The following PLEKHB2 variants were observed in gnomAD, a reference collection of about 807,000 sequenced individuals.
PLEKHB2 encodes the protein pleckstrin homology domain containing B2, also known as pleckstrin homology domain-containing family B member 2.
Under a neutral mutation model 36.5 loss-of-function variants are expected in PLEKHB2, and 31 were observed. That is an observed-to-expected ratio of 0.85 (90% CI 0.64 to 1.15). PLEKHB2 has a LOEUF of 1.15. Among genes scored for constraint, PLEKHB2 ranks in the 50% most tolerant of loss-of-function variants. The probability of loss-of-function intolerance (pLI) is 0.00; values close to 1 mark genes in which losing one functional copy is unlikely to be tolerated. For synonymous variants in PLEKHB2, 119 were observed against 112.0 expected, an observed-to-expected ratio of 1.06 and a Z score of -0.39; for missense variants, 262 against 295.3, an observed-to-expected ratio of 0.89 and a Z score of 0.83.
chr2:131,119,991 CAG>C (rs1696316660), intron 1 of PLEKHB2, among the ~76,000 whole-genome samples: 1 of 144,722 alleles, frequency 6.9e-6, no homozygotes, highest in African/African-American at 2.6e-5. Flanking sequence ...TTTTTTGAGA[CAG>C]AGTCTTACTC....
chr2:131,117,871 T>C (rs1487159958), intron 1 of PLEKHB2, among the ~76,000 whole-genome samples: 1 of 152,208 alleles, frequency 6.6e-6, no homozygotes, highest in African/African-American at 2.4e-5. Flanking sequence ...CCTTAGTGTC[T>C]AGGACAAGGC....
chr2:131,113,602 A>C (rs1376968483), intron 1 of PLEKHB2, among the ~76,000 whole-genome samples: 1 of 152,086 alleles, frequency 6.6e-6, no homozygotes, highest in East Asian at 1.9e-4. Context: ...GCTTCTCTGG[A>C]GGGTGTTAGG....
At chr2:131,111,132 G>A (rs1695274988) in intron 1 of PLEKHB2, among the ~76,000 whole-genome samples, 1 of 151,792 alleles carries the variant, frequency 6.6e-6, no homozygotes, top group Admixed American at 6.6e-5. Flanking sequence ...AGCCTGCTCA[G>A]TAGCTGGGAC....
At chr2:131,118,338 G>T (rs939482661) in intron 1 of PLEKHB2, among the ~76,000 whole-genome samples, 1 of 152,148 alleles carries the variant, frequency 6.6e-6, no homozygotes, top group African/African-American at 2.4e-5. Flanking sequence ...AGCATGAATT[G>T]AAAAAAACTG....
intron 7 of PLEKHB2, chr2:131,144,329 G>A (rs1034964021): frequency 1.3e-5 from 7 of 546,602 alleles, no homozygotes; most frequent in Middle Eastern, 5.3e-4. Flanking sequence ...GTGTTCGTTC[G>A]GCTCTCCTAT....
chr2:131,130,210 A>G (rs1697540290), intron 4 of PLEKHB2, among the ~76,000 whole-genome samples: 2 of 151,988 alleles, frequency 1.3e-5, no homozygotes, highest in South Asian at 4.2e-4. Flanking sequence ...TGCCCGGCTA[A>G]TGTTTATATT....
At chr2:131,140,298 T>G in intron 7 of PLEKHB2, 23 bp downstream of exon 7, 2 of 1,259,954 alleles carry the variant, frequency 1.6e-6, no homozygotes, top group Non-Finnish European at 2.3e-6. Flanking sequence ...GGCCTTTCAT[T>G]CCTCATTTCT....
At chr2:131,119,509 C>T (rs1222396379) in intron 1 of PLEKHB2, among the ~76,000 whole-genome samples, 4 of 152,188 alleles carry the variant, frequency 2.6e-5, no homozygotes, top group South Asian at 4.1e-4. Flanking sequence ...CATGTTGGCG[C>T]GCTTCTGCAG....
At chr2:131,133,139 T>G in intron 6 of PLEKHB2, 148 bp downstream of exon 6, 1 of 616,112 alleles carries the variant, frequency 1.6e-6, no homozygotes, top group Non-Finnish European at 2.9e-6. Flanking sequence ...TTTGTTTTCA[T>G]GAAATGAAGC....
chr2:131,108,011 C>G (rs1421544531), intron 1 of PLEKHB2: 1 of 152,214 alleles, frequency 6.6e-6, no homozygotes, highest in African/African-American at 2.4e-5. Flanking sequence ...GGACATACCT[C>G]CTTTAATTGT....
At chr2:131,130,410 T>C (rs1365261547) in intron 4 of PLEKHB2, among the ~76,000 whole-genome samples, 3 of 152,172 alleles carry the variant, frequency 2.0e-5, no homozygotes, top group Admixed American at 1.3e-4. Context: ...TGGAATATTA[T>C]ATAGCTGGTA....
chr2:131,113,204 C>T (rs971476670), intron 1 of PLEKHB2, among the ~76,000 whole-genome samples: 1 of 152,006 alleles, frequency 6.6e-6, no homozygotes, highest in African/African-American at 2.4e-5. Context: ...TACCTCAGCC[C>T]CCCAGTAGCT....
rs916176277 is a variant in PLEKHB2, at chr2:131,118,674, G to A, written c.-8-2260G>A. Among the ~76,000 whole-genome samples, 13 of 150,790 alleles carry A rather than the reference G, an allele frequency of 8.6e-5. 1 individual carries two copies. Among genetic ancestry groups the A allele is most frequent in the Admixed American group, 7.3e-4 (11 of 15,070 alleles). The stretch of plus-strand genomic sequence containing the variant: ...AGGTCAGGAGATCGAGACCATCCTG[G>A]CTAACATGGTGAAACCCCGTCTTTA... On this transcript the variant is annotated intron_variant, in intron 1 of 7. Transcript: ENST00000693505.
rs368243881 is a variant in PLEKHB2 at position 131,140,243 on chromosome 2, C to A, written c.500C>A (p.Ala167Glu). The change falls in exon 7 of 8, where the codon GCG (alanine) becomes GAG (glutamate). Residue 167 changes from alanine (A) to glutamate (E), a missense_variant. Transcript: ENST00000693505. The part of the protein sequence containing the change: ...TQVVYAANGQ[A>E]YAVPYQYPYA... ...GTTGTCTACGCTGCGAATGGGCAGG[C>A]GTATGCCGTGCCCTACCAGTACCCA... The A allele has an allele frequency of 3.1e-6, 5 of 1,608,566 alleles. No individual in the cohort carries two copies. Among genetic ancestry groups the A allele is most frequent in the Non-Finnish European group, 4.3e-6 (5 of 1,175,114 alleles).
intron 2 of PLEKHB2, 81 bp from the exon 3 acceptor site, chr2:131,125,672 A>G (rs1197884448): frequency 2.6e-5 from 29 of 1,123,220 alleles, no homozygotes; most frequent in Non-Finnish European, 3.7e-5. Flanking sequence ...GTTTGTGAAT[A>G]GCCACTGCAT....
rs1057055998 is a variant in PLEKHB2 at position 131,149,197 on chromosome 2, G to A, written c.*2424G>A. 2 of 152,312 alleles carry A rather than the reference G, an allele frequency of 1.3e-5. No homozygotes were observed. The highest frequency in any genetic ancestry group is 3.4e-3 in the Middle Eastern group (1 of 294). The allele number at this position is 152,312 out of a possible 1,614,324, so 9.4% of individuals were successfully genotyped here. ...GCATACTGGGTATAAGGTTGCTCAGGTATTTTATTTCCTTGGCCACAACTC... is the reference window on the plus strand; with the variant it reads ...GCATACTGGGTATAAGGTTGCTCAGATATTTTATTTCCTTGGCCACAACTC... On this transcript the variant is annotated 3_prime_UTR_variant, in exon 8 of 8. Coordinates refer to ENST00000693505, the MANE Select transcript of PLEKHB2 (RefSeq NM_001100623.2).
intron 7 of PLEKHB2, among the ~76,000 whole-genome samples, chr2:131,143,973 C>T (rs1699040697): frequency 6.6e-6 from 1 of 152,216 alleles, no homozygotes; most frequent in African/African-American, 2.4e-5. Flanking sequence ...ATGCTTGCCG[C>T]CCACATAAGG....
chr2:131,136,682 T>A (rs1054235625), intron 6 of PLEKHB2, among the ~76,000 whole-genome samples: 4 of 151,722 alleles, frequency 2.6e-5, no homozygotes, highest in African/African-American at 9.7e-5. Context: ...TTAAGGATTT[T>A]TGCGTCTATA....
chr2:131,113,535 G>A (rs1455870572), intron 1 of PLEKHB2, among the ~76,000 whole-genome samples: 2 of 152,092 alleles, frequency 1.3e-5, no homozygotes, highest in African/African-American at 2.4e-5. Flanking sequence ...ATTTAAGAGA[G>A]GTACTGAAAA....
Sources: allele counts gnomAD v4.1 joint callset (sites outside exome capture counted in the v4.1 genomes callset), GRCh38; gene constraint gnomAD v4.1.1; transcripts MANE v1.5; gene names NCBI Gene and HGNC (gene_info 2026-07-23, HGNC 2026-07-21).